The following SAXO1 variants were observed in gnomAD, a reference collection of about 807,000 sequenced individuals.
The protein encoded by SAXO1 is 4930500O09Rik.
A neutral mutation model predicts 17.5 loss-of-function variants in SAXO1; 21 were observed. The ratio of observed to expected loss-of-function variants is 1.20; its 90% CI spans 0.85 to 1.72. SAXO1 has a LOEUF of 1.72. Ranked by LOEUF, SAXO1 falls within the 40% of genes most tolerant of loss-of-function variation. The pLI is 0.00. For missense variants in SAXO1, 843 were observed against 596.0 expected, an observed-to-expected ratio of 1.41 and a Z score of -4.32; for synonymous variants, 274 against 216.5, an observed-to-expected ratio of 1.27 and a Z score of -2.33.
intron 1 of SAXO1, among the ~76,000 whole-genome samples, chr9:19,043,391 G>C (rs1046422938): frequency 6.6e-6 from 1 of 152,174 alleles, no homozygotes; most frequent in African/African-American, 2.4e-5. Context: ...ATGGTTACCA[G>C]AGGCTGGGAA....
intron 1 of SAXO1, among the ~76,000 whole-genome samples, chr9:18,952,511 T>A (rs1887444): frequency 6.6e-6 from 1 of 151,960 alleles, no homozygotes; most frequent in Non-Finnish European, 1.5e-5. Context: ...CCATCTACTC[T>A]CCAGAGAAAA....
At chr9:19,046,550 A>G (rs1010199501) in intron 1 of SAXO1, among the ~76,000 whole-genome samples, 5 of 152,060 alleles carry the variant, frequency 3.3e-5, no homozygotes, top group Admixed American at 3.3e-4. Flanking sequence ...TAAAAATACA[A>G]AATTAGCCAG....
Position 18,950,932 on chromosome 9 carries a change from T to C in SAXO1, c.44A>G (p.His15Arg), listed in dbSNP as rs1396453498. The change falls in exon 2 of 4, where the codon CAT (histidine) becomes CGT (arginine). Residue 15 changes from histidine (H) to arginine (R), a missense_variant. Coordinates refer to ENST00000380534, the MANE Select transcript of SAXO1 (RefSeq NM_153707.4). Reference sequence around the variant, plus strand: ...CTTGGTAGGGAGATGTGGACAGTGATGCCGCCTATAAAAGACACAGAGTTA... The same window carrying C: ...CTTGGTAGGGAGATGTGGACAGTGACGCCGCCTATAAAAGACACAGAGTTA... ...CICELCSCGR[H>R]HCPHLPTKIY... 1.9e-6 allele frequency: 3 copies of C among 1,611,284 alleles called. No individual in the cohort carries two copies. Among genetic ancestry groups the C allele is most frequent in the African/African-American group, 2.7e-5 (2 of 74,982 alleles).
intron 1 of SAXO1, among the ~76,000 whole-genome samples, chr9:19,003,879 C>A (rs1834383893): frequency 6.6e-6 from 1 of 152,036 alleles, no homozygotes; most frequent in Non-Finnish European, 1.5e-5. Context: ...GCAACAAAAG[C>A]CAAAATAGAC....
In SAXO1 at chr9:19,049,134, T is replaced by G. The variant is rs1211305096; in HGVS notation, c.-158+75A>C. Reference sequence around the variant, plus strand: ...GACACACCTCGCTCCTAAAGCCAGTTGCGGTGGTGGTGGCGGTTGGGGCTT... The same window carrying G: ...GACACACCTCGCTCCTAAAGCCAGTGGCGGTGGTGGTGGCGGTTGGGGCTT... On this transcript the variant is annotated intron_variant, in intron 1 of 3. Coordinates refer to the SAXO1 transcript ENST00000542071. This position sits in a 1 kb window ranked among gnomAD's most constrained non-coding sequence, Gnocchi z 5.4. The G allele has an allele frequency of 3.3e-5, 5 of 152,804 alleles. No individual in the cohort carries two copies. The highest frequency in any genetic ancestry group is 1.2e-4 in the African/African-American group (5 of 41,472). The allele number at this position is 152,804 out of a possible 1,614,324, so 9.5% of individuals were successfully genotyped here.
At chr9:18,941,379 C>T (rs992205786) in intron 3 of SAXO1, among the ~76,000 whole-genome samples, 1 of 152,060 alleles carries the variant, frequency 6.6e-6, no homozygotes, top group Non-Finnish European at 1.5e-5. Flanking sequence ...AAAACATGAA[C>T]ACTGAATTTT....
At chr9:18,971,815 T>A (rs942483103) in intron 1 of SAXO1, among the ~76,000 whole-genome samples, 3 of 152,214 alleles carry the variant, frequency 2.0e-5, no homozygotes, top group African/African-American at 7.2e-5. Flanking sequence ...TTTTTCAATA[T>A]ATTCTCACTG....
chr9:19,006,314 T>A (rs964408907), intron 1 of SAXO1, among the ~76,000 whole-genome samples: 2 of 152,238 alleles, frequency 1.3e-5, no homozygotes, highest in Non-Finnish European at 2.9e-5. Flanking sequence ...AACAGATACC[T>A]GTAGACCAAT....
At chr9:18,979,707 G>C (rs1336480955) in intron 1 of SAXO1, among the ~76,000 whole-genome samples, 1 of 152,192 alleles carries the variant, frequency 6.6e-6, no homozygotes, top group African/African-American at 2.4e-5. Flanking sequence ...GCAGCATAGT[G>C]GCCCACGCCT....
chr9:19,004,994 C>G (rs190473348), intron 1 of SAXO1, among the ~76,000 whole-genome samples: 11 of 152,022 alleles, frequency 7.2e-5, no homozygotes, highest in African/African-American at 2.7e-4. Context: ...TTTCTGCACA[C>G]TAACAATGAC....
At position 19,018,807 on chromosome 9, in the gene SAXO1, G is replaced by C. The variant is rs145971833; in HGVS notation, c.38+14064C>G. 7.6e-4 allele frequency among the ~76,000 whole-genome samples: 115 copies of C among 152,312 alleles called. 1 individual carries two copies. The highest frequency in any genetic ancestry group is 2.7e-3 in the African/African-American group (111 of 41,576). On this transcript the variant is annotated intron_variant, in intron 1 of 3. Coordinates refer to ENST00000380534, the MANE Select transcript of SAXO1 (RefSeq NM_153707.4). Reference sequence around the variant, plus strand: ...GTATGTGCTTTATATGTTAAATATAGCTGCCTTAAGAACCTTCTTATGCCG... The same window carrying C: ...GTATGTGCTTTATATGTTAAATATACCTGCCTTAAGAACCTTCTTATGCCG...
At chr9:19,000,333 A>C (rs1277909636) in intron 1 of SAXO1, among the ~76,000 whole-genome samples, 76 of 83,178 alleles carry the variant, frequency 9.1e-4, no homozygotes, top group East Asian at 1.6e-3. Flanking sequence ...CCCAGCCACC[A>C]CCCTGTCTGG....
At chr9:18,940,262 G>A (rs1831497735) in intron 3 of SAXO1, among the ~76,000 whole-genome samples, 1 of 152,238 alleles carries the variant, frequency 6.6e-6, no homozygotes, top group Admixed American at 6.5e-5. Context: ...CTTCAGAGGT[G>A]GGGCCATTTC....
intron 1 of SAXO1, among the ~76,000 whole-genome samples, chr9:18,971,693 A>G (rs1294305798): frequency 1.3e-5 from 2 of 152,200 alleles, no homozygotes; most frequent in African/African-American, 4.8e-5. Flanking sequence ...CTGTGTGTTC[A>G]TAATTCAATA....
chr9:18,984,496 T>G (rs1444762780), intron 1 of SAXO1, among the ~76,000 whole-genome samples: 2 of 152,380 alleles, frequency 1.3e-5, no homozygotes, highest in African/African-American at 2.4e-5. Flanking sequence ...TCCGGATAAC[T>G]TGCTGTAGCT....
chr9:19,001,536 G>T (rs1203864401), intron 1 of SAXO1, among the ~76,000 whole-genome samples: 1 of 151,846 alleles, frequency 6.6e-6, no homozygotes, highest in African/African-American at 2.4e-5. Flanking sequence ...GTGTGGTGGC[G>T]GGCACCTGTA....
chr9:18,946,804 G>C (rs1231022547), intron 2 of SAXO1, among the ~76,000 whole-genome samples: 1 of 152,062 alleles, frequency 6.6e-6, no homozygotes, highest in Non-Finnish European at 1.5e-5. Flanking sequence ...AAAATAAATA[G>C]AAACTATATA....
At chr9:19,004,237 G>C (rs1834400107) in intron 1 of SAXO1, among the ~76,000 whole-genome samples, 1 of 152,200 alleles carries the variant, frequency 6.6e-6, no homozygotes, top group African/African-American at 2.4e-5. Flanking sequence ...GGAAACAACA[G>C]TTGCTGGAGA....
intron 1 of SAXO1, among the ~76,000 whole-genome samples, chr9:19,041,675 C>G (rs1836083515): frequency 6.6e-6 from 1 of 152,046 alleles, no homozygotes; most frequent in African/African-American, 2.4e-5. Flanking sequence ...AACACAGGTG[C>G]CAAGAACATG....
Sources: allele counts gnomAD v4.1 joint callset (sites outside exome capture counted in the v4.1 genomes callset), GRCh38; gene constraint gnomAD v4.1.1; non-coding constraint Gnocchi (gnomAD v3.1); transcripts MANE v1.5; gene names NCBI Gene and HGNC (gene_info 2026-07-23, HGNC 2026-07-21).